FRAS1: variants seen among roughly 807,000 people sequenced by gnomAD.
The protein encoded by FRAS1 is extracellular matrix organizing protein FRAS1.
In FRAS1, 290 loss-of-function variants were observed where a neutral mutation model predicts 435.2. The ratio of observed to expected loss-of-function variants is 0.67; its 90% CI spans 0.61 to 0.73. The LOEUF (loss-of-function observed/expected upper bound fraction) is 0.73. Among genes scored for constraint, FRAS1 ranks in the 30% least tolerant of loss-of-function variants. The pLI is 0.00. For synonymous variants in FRAS1, 1,800 were observed against 1,851.0 expected, an observed-to-expected ratio of 0.97 and a Z score of 0.71; for missense variants, 4,860 against 5,001.5, an observed-to-expected ratio of 0.97 and a Z score of 0.85.
At position 78,184,029 on chromosome 4, in the gene FRAS1, T is replaced by C. The variant is rs1278039282; in HGVS notation, c.109-53481T>C. ...TTGGGAGCTTGTCAGAAATGTACACTGTAAGCCCCACTCAGAGCCACCTAC... is the reference window on the plus strand; with the variant it reads ...TTGGGAGCTTGTCAGAAATGTACACCGTAAGCCCCACTCAGAGCCACCTAC... On this transcript the variant is annotated intron_variant, in intron 2 of 73. Coordinates refer to ENST00000512123, the MANE Select transcript of FRAS1 (RefSeq NM_025074.7). Among the ~76,000 whole-genome samples, 3 of 152,274 alleles carry C rather than the reference T, an allele frequency of 2.0e-5. No homozygotes were observed. The East Asian group carries it at 5.8e-4, about 29-fold the overall frequency.
intron 2 of FRAS1, among the ~76,000 whole-genome samples, chr4:78,115,472 G>A (rs544151361): frequency 1.3e-5 from 2 of 152,034 alleles, no homozygotes; most frequent in Non-Finnish European, 2.9e-5. Context: ...ACTTTTTTTG[G>A]TTGGTAAGCT....
chr4:78,105,388 GC>G (rs1444618067), intron 2 of FRAS1, among the ~76,000 whole-genome samples: 1 of 152,176 alleles, frequency 6.6e-6, no homozygotes, highest in East Asian at 1.9e-4. Flanking sequence ...CTCTAGATGT[GC>G]TTTTCTGTTT....
intron 2 of FRAS1, among the ~76,000 whole-genome samples, chr4:78,203,799 C>T (rs1228994203): frequency 6.6e-6 from 1 of 152,136 alleles, no homozygotes; most frequent in African/African-American, 2.4e-5. Flanking sequence ...AACTCCTGAC[C>T]TCAGGTGATC....
At chr4:78,121,503 A>G (rs1386386619) in intron 2 of FRAS1, among the ~76,000 whole-genome samples, 5 of 152,152 alleles carry the variant, frequency 3.3e-5, no homozygotes, top group Admixed American at 1.3e-4. Flanking sequence ...TCAACAAGTA[A>G]TGTAATCAAG....
Position 78,077,015 on chromosome 4 carries a change from A to G in FRAS1, c.108+10999A>G, listed in dbSNP as rs369377691. 6.6e-5 allele frequency among the ~76,000 whole-genome samples: 10 copies of G among 152,330 alleles called. No homozygotes were observed. The East Asian group carries it at 1.7e-3, about 26-fold the overall frequency. ...TAAGCTGTTTTTATGCGAACTTATT[A>G]AGGTCAAGGATGCTTACTCAGTAAG... is the stretch of plus-strand genomic sequence containing the variant. On this transcript the variant is annotated intron_variant, in intron 2 of 73. Transcript: ENST00000512123.
In FRAS1 at chr4:78,318,845, G is replaced by A. The variant is rs773097852; in HGVS notation, c.1996G>A (p.Ala666Thr). The A allele has an allele frequency of 4.1e-5, 66 of 1,611,638 alleles. No individual in the cohort carries two copies. The South Asian group carries it at 5.5e-4, about 13-fold the overall frequency. ...HSSCLACMGPAPSHCTGCKKP... is the reference protein window; with the variant it reads ...HSSCLACMGPTPSHCTGCKKP... ...CTCCTGCCTGGCTTGTATGGGTCCC[G>A]CACCCTCTCACTGTACTGGGTGTAA... Residue 666 changes from alanine to threonine, a missense_variant, in exon 18 of 74, where the codon GCA becomes ACA. Transcript: ENST00000512123.
intron 4 of FRAS1, 137 bp from the exon 5 acceptor site, chr4:78,252,255 C>A: frequency 1.3e-6 from 1 of 781,292 alleles, no homozygotes; most frequent in East Asian, 2.8e-5. Context: ...CTCAACCTTG[C>A]AAGCTCATAG....
Position 78,537,178 on chromosome 4 carries a change from T to C in FRAS1, c.11276T>C (p.Leu3759Pro). 2 of 1,613,940 alleles carry C rather than the reference T, an allele frequency of 1.2e-6. No homozygotes were observed. ...QYGCIQPNKHLKHRFLLLDRN... is the reference protein window; with the variant it reads ...QYGCIQPNKHPKHRFLLLDRN... Reference sequence around the variant, plus strand: ...GGATGCATTCAGCCAAACAAACACCTAAAACACAGATTCCTGCTGTTGGTA... The same window carrying C: ...GGATGCATTCAGCCAAACAAACACCCAAAACACAGATTCCTGCTGTTGGTA... The change falls in exon 72 of 74, where the codon CTA becomes CCA. Residue 3759 changes from leucine to proline, a missense_variant. Transcript: ENST00000512123.
chr4:78,106,062 C>G (rs1189773965), intron 2 of FRAS1, among the ~76,000 whole-genome samples: 3 of 129,086 alleles, frequency 2.3e-5, no homozygotes, highest in East Asian at 2.1e-4. Context: ...CGGCGCACCA[C>G]GAGACTATAT....
At chr4:78,274,918 A>G (rs1057198545) in intron 9 of FRAS1, among the ~76,000 whole-genome samples, 6 of 152,146 alleles carry the variant, frequency 3.9e-5, no homozygotes, top group Admixed American at 6.5e-5. Flanking sequence ...GTGGGGTGTT[A>G]AAGTCTCCCA....
intron 2 of FRAS1, among the ~76,000 whole-genome samples, chr4:78,101,105 A>G (rs1742104904): frequency 6.9e-6 from 1 of 144,874 alleles, no homozygotes; most frequent in Non-Finnish European, 1.5e-5. Context: ...TTTAAAGATG[A>G]ATAACTCGAT....
At chr4:78,473,410 A>G in intron 52 of FRAS1, 28 bp from the exon 53 acceptor site, 1 of 1,598,892 alleles carries the variant, frequency 6.3e-7, no homozygotes, top group Non-Finnish European at 8.5e-7. Context: ...TCCCTGGGTT[A>G]ATTCACAGTG....
intron 2 of FRAS1, among the ~76,000 whole-genome samples, chr4:78,114,431 T>A (rs570993928): frequency 6.6e-6 from 1 of 152,338 alleles, no homozygotes; most frequent in East Asian, 1.9e-4. Context: ...AGTATGGCCA[T>A]TTTCATGATA....
intron 59 of FRAS1, 87 bp downstream of exon 59, chr4:78,489,167 A>G (rs1329382542): frequency 1.5e-6 from 2 of 1,312,932 alleles, no homozygotes; most frequent in Non-Finnish European, 2.1e-6. Context: ...AATTCCAAAA[A>G]TTCTCAGAAT....
At chr4:78,462,618 C>T (rs1438618343) in intron 47 of FRAS1, among the ~76,000 whole-genome samples, 4 of 152,128 alleles carry the variant, frequency 2.6e-5, no homozygotes, top group South Asian at 2.1e-4. Flanking sequence ...AGTGGATTCA[C>T]AGCAGGGGGA....
chr4:78,430,658 A>G (rs1734178863), intron 37 of FRAS1, among the ~76,000 whole-genome samples: 2 of 152,194 alleles, frequency 1.3e-5, no homozygotes, highest in African/African-American at 2.4e-5. Flanking sequence ...TCCTTAAACT[A>G]TAGGTGAAAT....
chr4:78,163,334 T>A (rs1041340378), intron 2 of FRAS1, among the ~76,000 whole-genome samples: 2 of 152,322 alleles, frequency 1.3e-5, no homozygotes, highest in African/African-American at 4.8e-5. Context: ...TTTCTCCCTA[T>A]TGTAAGAAAA....
Position 78,334,171 on chromosome 4 carries a change from A to G in FRAS1, c.2278+759A>G, listed in dbSNP as rs114255874. On this transcript the variant is annotated intron_variant, in intron 19 of 73. Coordinates refer to ENST00000512123, the MANE Select transcript of FRAS1 (RefSeq NM_025074.7). ...CTCATTGTGGAAGGATTGAAAGTTCAGAATAGGAAAAATAAATGGGGGTTT... is the reference window on the plus strand; with the variant it reads ...CTCATTGTGGAAGGATTGAAAGTTCGGAATAGGAAAAATAAATGGGGGTTT... Among the ~76,000 whole-genome samples the G allele has an allele frequency of 7.9e-3, 1,197 of 152,252 alleles. 19 individuals are homozygous for G. Among genetic ancestry groups the G allele is most frequent in the African/African-American group, 0.027 (1,118 of 41,546 alleles).
rs183724131 is a variant in FRAS1 at position 78,513,455 on chromosome 4, G to A, written c.10077G>A (p.Pro3359=). 615 of 1,613,794 alleles carry A rather than the reference G, an allele frequency of 3.8e-4. 3 individuals carry two copies. In the East Asian group the frequency reaches 5.6e-3, roughly 15 times the overall value. Reference sequence around the variant, plus strand: ...TGCTGCCCCTTATCTCCACCATGCCGTTGCACAACTTACATTTTCTACTGT... The same window carrying A: ...TGCTGCCCCTTATCTCCACCATGCCATTGCACAACTTACATTTTCTACTGT... ...DGMLPLISTM[P]LHNLHFLLSE... The change falls in exon 65 of 74, where the codon CCG becomes CCA. Residue 3359 remains proline (P), a synonymous_variant. Coordinates refer to ENST00000512123, the MANE Select transcript of FRAS1 (RefSeq NM_025074.7).
Sources: allele counts gnomAD v4.1 joint callset (sites outside exome capture counted in the v4.1 genomes callset), GRCh38; gene constraint gnomAD v4.1.1; transcripts MANE v1.5; gene names NCBI Gene and HGNC (gene_info 2026-07-23, HGNC 2026-07-21).